Variants in SLC14A2 observed in about 807,000 individuals in gnomAD.
SLC14A2 encodes the protein urea transporter 2.
SLC14A2 carries 91 observed loss-of-function variants against 104.6 expected under a neutral mutation model. That is an observed-to-expected ratio of 0.87 (90% confidence interval 0.73 to 1.04). The LOEUF (loss-of-function observed/expected upper bound fraction) is 1.04, where lower values mean the gene tolerates loss of function less well. SLC14A2 is among the 50% of genes least tolerant of loss of function. The pLI, the probability that SLC14A2 is intolerant of heterozygous loss-of-function variation, is 0.00. For synonymous variants in SLC14A2, 476 were observed against 466.4 expected (o/e 1.02, Z -0.27); for missense variants, 1,189 against 1,156.0 (o/e 1.03, Z -0.41).
chr18:45,472,381 G>T (rs550489978), intron 1 of SLC14A2, among the ~76,000 whole-genome samples: 54 of 152,148 alleles, frequency 3.5e-4, no homozygotes, highest in African/African-American at 1.2e-3. Flanking sequence ...TAATCCTTTC[G>T]GTATATACCC....
intron 2 of SLC14A2, among the ~76,000 whole-genome samples, chr18:45,504,893 G>A (rs1392431954): frequency 2.6e-5 from 4 of 152,072 alleles, no homozygotes; most frequent in African/African-American, 9.7e-5. Context: ...AAAATAATTA[G>A]GAGAAGAAGG....
At position 45,644,042 on chromosome 18, in the gene SLC14A2, C is replaced by A; in HGVS notation, c.1233C>A (p.Leu411=). 1 of 1,614,220 alleles carries A rather than the reference C, an allele frequency of 6.2e-7. No individual in the cohort carries two copies. Among genetic ancestry groups the A allele is most frequent in the Non-Finnish European group, 8.5e-7 (1 of 1,180,026 alleles). The change falls in exon 10 of 20, where the codon CTC becomes CTA. Residue 411 remains leucine, a synonymous_variant. Transcript: ENST00000255226. ...AFCLATIIFL[L]LTTNNPAIFR... ...GCCTTGCCACCATCATCTTCCTGCTCCTGACGACAAACAACCCAGCCATCT... is the reference window on the plus strand; with the variant it reads ...GCCTTGCCACCATCATCTTCCTGCTACTGACGACAAACAACCCAGCCATCT...
At chr18:45,639,604 T>C (rs2045484286) in intron 6 of SLC14A2, 142 bp from the exon 7 acceptor site, 1 of 757,034 alleles carries the variant, frequency 1.3e-6, no homozygotes, top group East Asian at 2.6e-5. Context: ...ATGCCTCCCA[T>C]GTTCTCTCAC....
chr18:45,570,963 GATGA>G (rs1346394142), intron 2 of SLC14A2, among the ~76,000 whole-genome samples: 1 of 152,174 alleles, frequency 6.6e-6, no homozygotes, highest in East Asian at 1.9e-4. Flanking sequence ...GTAAAATTAT[GATGA>G]ATGGAGGAAA....
intron 1 of SLC14A2, among the ~76,000 whole-genome samples, chr18:45,427,835 G>T (rs955697385): frequency 6.6e-6 from 1 of 152,150 alleles, no homozygotes; most frequent in Non-Finnish European, 1.5e-5. Flanking sequence ...CTGGCATCAG[G>T]TTCTAGCTTT....
chr18:45,355,744 T>G (rs1386969250), intron 1 of SLC14A2, among the ~76,000 whole-genome samples: 2 of 152,058 alleles, frequency 1.3e-5, no homozygotes, highest in East Asian at 3.9e-4. Context: ...ATATGAAACC[T>G]CTGAACACTA....
At chr18:45,271,309 T>A (rs1267169076) in intron 1 of SLC14A2, among the ~76,000 whole-genome samples, 1 of 152,188 alleles carries the variant, frequency 6.6e-6, no homozygotes, top group Non-Finnish European at 1.5e-5. Flanking sequence ...CTAGCAATGG[T>A]TATTTTTTCC....
In SLC14A2 at chr18:45,531,279, A is replaced by C. The variant is rs533660402; in HGVS notation, c.-35+47957A>C. Among the ~76,000 whole-genome samples, 337 of 152,268 alleles carry C rather than the reference A, an allele frequency of 2.2e-3. 1 individual carries two copies. The highest frequency in any genetic ancestry group is 3.7e-3 in the Non-Finnish European group (255 of 68,010). On this transcript the variant is annotated intron_variant, in intron 2 of 20. Coordinates refer to the SLC14A2 transcript ENST00000586448. ...AGATCCCTGAGGAATCGCCACACTG[A>C]CTTCCACAATGGTTGAACTAGTTTA...
Position 45,496,228 on chromosome 18 carries a change from CA to C in SLC14A2, c.-35+12910del, listed in dbSNP as rs759235249. ...TGAAAGAAGTATCATCTTTATTATA[CA>C]AAAGAGTGTGAAATTCAGAGAAGTA... On this transcript the variant is annotated intron_variant, in intron 2 of 20. Coordinates refer to the SLC14A2 transcript ENST00000586448. Among the ~76,000 whole-genome samples the C allele has an allele frequency of 2.6e-5, 4 of 152,166 alleles. No homozygotes were observed. In the East Asian group the frequency reaches 7.7e-4, roughly 29 times the overall value.
Position 45,425,922 on chromosome 18 carries a change from C to T in SLC14A2, c.-124-57311C>T, listed in dbSNP as rs146164536. ...TGAGTGAAAAGCTGTGTGCTGTCCC[C>T]GACTTCAGAAAAGGTGCTTCTCCTC... is the stretch of plus-strand genomic sequence containing the variant. On this transcript the variant is annotated intron_variant, in intron 1 of 20. Coordinates refer to the SLC14A2 transcript ENST00000586448. Among the ~76,000 whole-genome samples, 1,500 of 152,088 alleles carry T rather than the reference C, an allele frequency of 9.9e-3. 16 individuals are homozygous for T. The highest frequency in any genetic ancestry group is 0.024 in the African/African-American group (995 of 41,456).
chr18:45,514,595 G>T (rs1244559937), intron 2 of SLC14A2, among the ~76,000 whole-genome samples: 1 of 152,172 alleles, frequency 6.6e-6, no homozygotes, highest in Admixed American at 6.5e-5. Flanking sequence ...TGCTGTGGAT[G>T]CCTACATTAG....
chr18:45,645,648 G>A (rs9950160), intron 10 of SLC14A2, among the ~76,000 whole-genome samples: 74,911 of 112,178 alleles, frequency 0.67, 21,064 homozygotes, highest in African/African-American at 0.74. Context: ...TATATAGATC[G>A]GGGTCAGCAA....
chr18:45,353,238 C>T (rs1371974785), intron 1 of SLC14A2, among the ~76,000 whole-genome samples: 7 of 152,128 alleles, frequency 4.6e-5, no homozygotes, highest in African/African-American at 1.2e-4. Flanking sequence ...TAACAGAGGG[C>T]GGACTACAAA....
chr18:45,366,685 T>C (rs1055754104), intron 1 of SLC14A2, among the ~76,000 whole-genome samples: 8 of 152,152 alleles, frequency 5.3e-5, no homozygotes, highest in Non-Finnish European at 8.8e-5. Context: ...CCAGGACCCA[T>C]GCGTGAATCC....
chr18:45,265,220 A>G (rs2084579699), intron 1 of SLC14A2, among the ~76,000 whole-genome samples: 1 of 152,212 alleles, frequency 6.6e-6, no homozygotes, highest in Non-Finnish European at 1.5e-5. Context: ...ATTTTCTTCA[A>G]GCTTATGAAG....
intron 1 of SLC14A2, among the ~76,000 whole-genome samples, chr18:45,433,211 T>A (rs1306728674): frequency 6.6e-6 from 1 of 152,216 alleles, no homozygotes; most frequent in Non-Finnish European, 1.5e-5. Flanking sequence ...AGCCTCAGTT[T>A]TCCCATGCAT....
In SLC14A2 at chr18:45,673,546, A is replaced by C. The variant is rs2144651204; in HGVS notation, c.2378-137A>C. On this transcript the variant is annotated intron_variant, in intron 17 of 19. Transcript: ENST00000255226. ...CCTTTAGATGTTTTTTCACAGAATA[A>C]AGCCAGAAGTCCTTTTTGTATAACT... The C allele has an allele frequency of 7.7e-6, 7 of 907,802 alleles. No homozygotes were observed. In the South Asian group the frequency reaches 1.4e-4, roughly 18 times the overall value. The allele number at this position is 907,802 out of a possible 1,614,324, so 56.2% of individuals were successfully genotyped here. A position where few individuals can be genotyped will look rare whatever the true frequency, so the allele number is the denominator to read the frequency against.
the SLC14A2 span, among the ~76,000 whole-genome samples, chr18:45,197,096 C>A: frequency 2.0e-5 from 3 of 152,146 alleles, no homozygotes; most frequent in Non-Finnish European, 4.4e-5. Flanking sequence ...TTTGGATGTG[C>A]CACACACATT....
intron 2 of SLC14A2, among the ~76,000 whole-genome samples, chr18:45,589,962 T>C (rs1039490124): frequency 1.3e-5 from 2 of 152,182 alleles, no homozygotes; most frequent in Admixed American, 6.5e-5. Flanking sequence ...TGGGCTTTCT[T>C]GAGGTTTGGC....
Sources: allele counts gnomAD v4.1 joint callset (sites outside exome capture counted in the v4.1 genomes callset), GRCh38; gene constraint gnomAD v4.1.1; transcripts MANE v1.5; gene names NCBI Gene and HGNC (gene_info 2026-07-23, HGNC 2026-07-21).